CSMD1: variants seen among roughly 807,000 people sequenced by gnomAD.
CSMD1 encodes the protein CUB and Sushi multiple domains 1, also known as CUB and sushi domain-containing protein 1.
Under a neutral mutation model 417.5 loss-of-function variants are expected in CSMD1, and 213 were observed. The ratio of observed to expected loss-of-function variants is 0.51; its 90% CI spans 0.46 to 0.57. The LOEUF (loss-of-function observed/expected upper bound fraction) is 0.57. Among genes scored for constraint, CSMD1 ranks in the 20% least tolerant of loss-of-function variants. CSMD1 has a pLI of 0.00. For synonymous variants in CSMD1, 2,862 were observed against 1,736.8 expected (o/e 1.65, Z -16.11); for missense variants, 6,923 against 4,529.7 (o/e 1.53, Z -15.17).
intron 62 of CSMD1, among the ~76,000 whole-genome samples, chr8:2,960,523 C>T (rs1425637021): frequency 6.6e-6 from 1 of 152,188 alleles, no homozygotes; most frequent in Admixed American, 6.5e-5. Flanking sequence ...TTTCAAGCTT[C>T]ATTACCTTCC....
At chr8:4,108,367 G>C (rs1055797032) in intron 3 of CSMD1, among the ~76,000 whole-genome samples, 1 of 152,024 alleles carries the variant, frequency 6.6e-6, no homozygotes, top group Non-Finnish European at 1.5e-5. Flanking sequence ...TCTCACCCCG[G>C]GTATCTGTAT....
intron 6 of CSMD1, among the ~76,000 whole-genome samples, chr8:3,744,820 A>T (rs1044590900): frequency 2.6e-5 from 4 of 152,188 alleles, no homozygotes; most frequent in Non-Finnish European, 5.9e-5. Flanking sequence ...TTTGTTTCAT[A>T]TATCTATGGA....
At chr8:3,554,970 G>A (rs908951837) in intron 10 of CSMD1, among the ~76,000 whole-genome samples, 1 of 152,018 alleles carries the variant, frequency 6.6e-6, no homozygotes, top group African/African-American at 2.4e-5. Flanking sequence ...CCAGACACCT[G>A]GGCTCTTGTC....
rs140926513 is a variant in CSMD1, at chr8:3,760,350, G to T, written c.819-6308C>A. On this transcript the variant is annotated intron_variant, in intron 5 of 69. Transcript: ENST00000635120. ...CCTTCAGAGGATTCAACTGGGTTTT[G>T]CTTCTGCTAAGAGTTAAAATAAATG... 7.4e-4 allele frequency among the ~76,000 whole-genome samples: 112 copies of T among 152,268 alleles called. 1 individual carries two copies. Among genetic ancestry groups the T allele is most frequent in the African/African-American group, 2.4e-3 (101 of 41,538 alleles).
chr8:3,788,980 A>C (rs1262762087), intron 5 of CSMD1, among the ~76,000 whole-genome samples: 1 of 152,158 alleles, frequency 6.6e-6, no homozygotes, highest in Non-Finnish European at 1.5e-5. Flanking sequence ...CTGATTCCAA[A>C]TTGTAAGTTA....
At chr8:3,708,375 G>A (rs532242082) in intron 7 of CSMD1, 39 bp downstream of exon 7, 13 of 1,546,182 alleles carry the variant, frequency 8.4e-6, no homozygotes, top group Admixed American at 3.3e-5. Flanking sequence ...CTGCTTACAA[G>A]GGCGTATCAA....
chr8:4,394,271 A>G (rs895087034), intron 3 of CSMD1, among the ~76,000 whole-genome samples: 2 of 152,220 alleles, frequency 1.3e-5, no homozygotes, highest in South Asian at 2.1e-4. Context: ...AAAAATTGAC[A>G]TATATAATGA....
Position 4,831,194 on chromosome 8 carries a change from T to C in CSMD1, c.85+163138A>G, listed in dbSNP as rs533043887. On this transcript the variant is annotated intron_variant, in intron 1 of 69. Transcript: ENST00000635120. ...TCTAGAATCTGAAAAATGCAACTAT[T>C]GGCAGATGTCCTTTCATTTTCCACA... Among the ~76,000 whole-genome samples, 3 of 152,330 alleles carry C rather than the reference T, an allele frequency of 2.0e-5. No homozygotes were observed. In the South Asian group the frequency reaches 6.2e-4, roughly 32 times the overall value.
intron 21 of CSMD1, among the ~76,000 whole-genome samples, chr8:3,352,250 T>C (rs997862130): frequency 1.3e-5 from 2 of 152,128 alleles, no homozygotes; most frequent in Non-Finnish European, 1.5e-5. Flanking sequence ...GAGCATCACA[T>C]GAAGGAACTA....
intron 1 of CSMD1, among the ~76,000 whole-genome samples, chr8:4,693,327 G>A (rs1236510057): frequency 6.6e-6 from 1 of 152,210 alleles, no homozygotes. Context: ...TTTGTATAAT[G>A]TGATACAGGG....
intron 23 of CSMD1, among the ~76,000 whole-genome samples, chr8:3,314,417 C>A (rs545768502): frequency 9.0e-4 from 137 of 152,190 alleles, no homozygotes; most frequent in African/African-American, 3.0e-3. Context: ...AGAAGGTATC[C>A]TTTTCTATCT....
intron 3 of CSMD1, among the ~76,000 whole-genome samples, chr8:4,083,759 A>T (rs954671631): frequency 6.6e-6 from 1 of 152,202 alleles, no homozygotes; most frequent in Non-Finnish European, 1.5e-5. Context: ...CCTAGGCATT[A>T]CCATTCAGGA....
Position 3,541,484 on chromosome 8 carries a change from C to T in CSMD1, c.1344+33461G>A, listed in dbSNP as rs879746458. ...ACAAACCACCATGGTTCATGTTTAC[C>T]GAAATAACAAATCTGCACCTCCTGC... On this transcript the variant is annotated intron_variant, in intron 10 of 69. Transcript: ENST00000635120. 2.5e-4 allele frequency among the ~76,000 whole-genome samples: 37 copies of T among 150,668 alleles called. 1 individual carries two copies. Among genetic ancestry groups the T allele is most frequent in the Admixed American group, 1.9e-3 (29 of 15,138 alleles).
chr8:4,615,560 G>C (rs1801425776), intron 2 of CSMD1, among the ~76,000 whole-genome samples: 1 of 152,132 alleles, frequency 6.6e-6, no homozygotes, highest in African/African-American at 2.4e-5. Flanking sequence ...AGGGCCAATA[G>C]GTTTTCATAC....
chr8:4,279,182 T>C (rs919173183), intron 3 of CSMD1, among the ~76,000 whole-genome samples: 1 of 152,058 alleles, frequency 6.6e-6, no homozygotes, highest in Non-Finnish European at 1.5e-5. Flanking sequence ...GCTTCGTCTG[T>C]CTCTGTAAAC....
chr8:3,878,320 A>G (rs1444615668), intron 5 of CSMD1, among the ~76,000 whole-genome samples: 1 of 152,154 alleles, frequency 6.6e-6, no homozygotes, highest in African/African-American at 2.4e-5. Context: ...TATTCTCTAC[A>G]CTATTCTTTA....
chr8:3,156,158 G>T (rs186020326), intron 39 of CSMD1, among the ~76,000 whole-genome samples: 235 of 152,294 alleles, frequency 1.5e-3, no homozygotes, highest in African/African-American at 5.5e-3. Flanking sequence ...AATAGCTAAT[G>T]TTCATCCATA....
At chr8:4,129,899 C>G (rs1384575161) in intron 3 of CSMD1, among the ~76,000 whole-genome samples, 1 of 152,034 alleles carries the variant, frequency 6.6e-6, no homozygotes, top group African/African-American at 2.4e-5. Context: ...ATAATATATC[C>G]TTTTACTTCT....
intron 11 of CSMD1, chr8:3,469,218 T>A: frequency 6.3e-6 from 1 of 158,544 alleles, no homozygotes. Flanking sequence ...TGCTGTAGGA[T>A]TGCACAACAC....
Sources: allele counts gnomAD v4.1 joint callset (sites outside exome capture counted in the v4.1 genomes callset), GRCh38; gene constraint gnomAD v4.1.1; transcripts MANE v1.5; gene names NCBI Gene and HGNC (gene_info 2026-07-23, HGNC 2026-07-21).